The following FER variants were observed in gnomAD, a reference collection of about 807,000 sequenced individuals.
FER encodes the protein tyrosine-protein kinase Fer.
In FER, 63 loss-of-function variants were observed where a neutral mutation model predicts 111.0. The observed-to-expected ratio is 0.57, with a 90% confidence interval of 0.46 to 0.70. The LOEUF is 0.70. FER is among the 30% of genes least tolerant of loss of function. FER has a pLI of 0.00. For missense variants in FER, 914 were observed against 954.0 expected, an observed-to-expected ratio of 0.96 and a Z score of 0.55; for synonymous variants, 327 against 313.9, an observed-to-expected ratio of 1.04 and a Z score of -0.44.
chr5:108,955,865 T>TTA (rs533671475), intron 12 of FER, among the ~76,000 whole-genome samples: 7 of 151,680 alleles, frequency 4.6e-5, no homozygotes, highest in East Asian at 1.9e-4. Context: ...CTTAATAAGT[T>TTA]TATATATATA....
intron 11 of FER, among the ~76,000 whole-genome samples, chr5:108,946,555 C>A (rs541562290): frequency 5.3e-4 from 80 of 151,888 alleles, no homozygotes; most frequent in African/African-American, 1.9e-3. Context: ...GTAAACAATT[C>A]TTTTCTAGTG....
At chr5:109,128,570 A>T (rs1179289569) in intron 17 of FER, among the ~76,000 whole-genome samples, 2 of 152,140 alleles carry the variant, frequency 1.3e-5, no homozygotes, top group Non-Finnish European at 2.9e-5. Flanking sequence ...CTCTTGTAGC[A>T]TGCACTTCTC....
chr5:108,778,583 G>T (rs971028178), intron 2 of FER, among the ~76,000 whole-genome samples: 15 of 152,186 alleles, frequency 9.9e-5, no homozygotes, highest in Non-Finnish European at 2.1e-4. Flanking sequence ...GAAATCATGT[G>T]ATGTGGAGCA....
At chr5:108,768,348 ACTGT>A (rs1286874226) in intron 2 of FER, 110 bp downstream of exon 2, 1 of 152,162 alleles carries the variant, frequency 6.6e-6, no homozygotes, top group Non-Finnish European at 1.5e-5. Context: ...AGATTATTCT[ACTGT>A]CTATGTAGGC....
At chr5:108,943,311 C>CT (rs1250129542) in intron 10 of FER, among the ~76,000 whole-genome samples, 2 of 152,208 alleles carry the variant, frequency 1.3e-5, no homozygotes, top group African/African-American at 2.4e-5. Context: ...CAGTGCCTTT[C>CT]TTTTTTCTGA....
chr5:109,104,036 A>T (rs574240232), intron 17 of FER, among the ~76,000 whole-genome samples: 1 of 152,242 alleles, frequency 6.6e-6, no homozygotes, highest in African/African-American at 2.4e-5. Context: ...ACATTTCTTA[A>T]TTTCGTATGT....
intron 17 of FER, among the ~76,000 whole-genome samples, chr5:109,145,327 A>C (rs1753967157): frequency 6.6e-6 from 1 of 152,106 alleles, no homozygotes; most frequent in Non-Finnish European, 1.5e-5. Context: ...AAATCTCCAG[A>C]CTTCAAAATA....
chr5:108,820,278 G>A, intron 3 of FER: 1 of 985,374 alleles, frequency 1.0e-6, no homozygotes, highest in Non-Finnish European at 1.2e-6. Flanking sequence ...TTAATAAATA[G>A]GAAAAGATCA....
At chr5:108,829,495 T>C (rs1759814389) in intron 3 of FER, among the ~76,000 whole-genome samples, 1 of 152,080 alleles carries the variant, frequency 6.6e-6, no homozygotes, top group Non-Finnish European at 1.5e-5. Context: ...AATAATTAGC[T>C]GGACATAGTG....
Position 108,959,231 on chromosome 5 carries a change from T to A in FER, c.1540T>A (p.Tyr514Asn). 6.2e-7 allele frequency: 1 copy of A among 1,611,580 alleles called. No homozygotes were observed. The highest frequency in any genetic ancestry group is 8.5e-7 in the Non-Finnish European group (1 of 1,178,492). Residue 514 changes from tyrosine (Y) to asparagine (N), a missense_variant, in exon 13 of 20, where the codon TAT (tyrosine) becomes AAT (asparagine). Transcript: ENST00000281092. ...CTTATTGTTCTCTCTCCAGAACATG[T>A]ATCGATTCGAGGGCACTGGGTTTTC... ...HFIIQYVDNM[Y>N]RFEGTGFSNI...
chr5:109,079,223 C>T (rs1776712716), intron 16 of FER, among the ~76,000 whole-genome samples: 1 of 152,108 alleles, frequency 6.6e-6, no homozygotes, highest in South Asian at 2.1e-4. Context: ...TTATAAGATG[C>T]TGTGATTATG....
chr5:108,774,380 T>A (rs1753257510), intron 2 of FER, among the ~76,000 whole-genome samples: 1 of 152,168 alleles, frequency 6.6e-6, no homozygotes, highest in Non-Finnish European at 1.5e-5. Context: ...GTGTGTGTCT[T>A]TATAGTAGAA....
intron 10 of FER, among the ~76,000 whole-genome samples, chr5:108,940,038 T>C (rs2149607241): frequency 6.6e-6 from 1 of 152,122 alleles, no homozygotes; most frequent in African/African-American, 2.4e-5. Context: ...ATAAAACTTA[T>C]CCTCTCTATC....
chr5:109,137,642 T>G (rs548995582), intron 17 of FER, among the ~76,000 whole-genome samples: 1 of 152,172 alleles, frequency 6.6e-6, no homozygotes, highest in African/African-American at 2.4e-5. Flanking sequence ...GAGAAAGAAC[T>G]CATGTCTGAT....
intron 17 of FER, among the ~76,000 whole-genome samples, chr5:109,128,849 T>C (rs1224317631): frequency 6.6e-6 from 1 of 151,994 alleles, no homozygotes; most frequent in Non-Finnish European, 1.5e-5. Context: ...TCTGGAAAAA[T>C]ATGTCACAAA....
chr5:108,848,883 G>A (rs925209717), intron 5 of FER, among the ~76,000 whole-genome samples: 1 of 151,876 alleles, frequency 6.6e-6, no homozygotes, highest in Non-Finnish European at 1.5e-5. Flanking sequence ...ATGTATGTCC[G>A]AAAAAATATT....
chr5:108,844,992 GTGTGTATATATATATATATATATATA>G (rs1761746351), intron 5 of FER, among the ~76,000 whole-genome samples: 1 of 38,274 alleles, frequency 2.6e-5, no homozygotes, highest in South Asian at 9.6e-4. Context: ...TGGTGTGTGT[GTGTGTATATATATATATATATATATA>G]TATATATATA....
At chr5:108,769,771 A>G (rs1422025985) in intron 2 of FER, among the ~76,000 whole-genome samples, 3 of 152,224 alleles carry the variant, frequency 2.0e-5, no homozygotes, top group African/African-American at 7.2e-5. Flanking sequence ...TATCATGTAC[A>G]GAAACCTTTT....
At chr5:109,072,671 A>C (rs1285425067) in intron 16 of FER, among the ~76,000 whole-genome samples, 1 of 152,000 alleles carries the variant, frequency 6.6e-6, no homozygotes, top group East Asian at 1.9e-4. Flanking sequence ...GTCTATAATG[A>C]AATCTGCTCG....
Sources: allele counts gnomAD v4.1 joint callset (sites outside exome capture counted in the v4.1 genomes callset), GRCh38; gene constraint gnomAD v4.1.1; transcripts MANE v1.5; gene names NCBI Gene and HGNC (gene_info 2026-07-23, HGNC 2026-07-21).